BOD1L1: variants seen among roughly 807,000 people sequenced by gnomAD.
The protein encoded by BOD1L1 is biorientation of chromosomes in cell division protein 1-like 1.
A neutral mutation model predicts 240.7 loss-of-function variants in BOD1L1; 86 were observed. The ratio of observed to expected loss-of-function variants is 0.36; its 90% CI spans 0.30 to 0.43. The LOEUF (loss-of-function observed/expected upper bound fraction) is 0.43, where lower values mean the gene tolerates loss of function less well. BOD1L1 is among the 20% of genes least tolerant of loss of function. The probability of loss-of-function intolerance (pLI) is 1.00; values close to 1 mark genes in which losing one functional copy is unlikely to be tolerated. For missense variants in BOD1L1, 3,554 were observed against 3,643.5 expected (o/e 0.98, Z 0.63); for synonymous variants, 1,268 against 1,272.3 (o/e 1.00, Z 0.07).
intron 1 of BOD1L1, chr4:13,624,152 G>A (rs1577388403): frequency 6.6e-6 from 1 of 151,950 alleles, no homozygotes; most frequent in South Asian, 2.1e-4. Flanking sequence ...AGAGTCATGG[G>A]GTAAAGGAAG....
chr4:13,574,847 A>G (rs189957266), intron 25 of BOD1L1, among the ~76,000 whole-genome samples: 1 of 152,252 alleles, frequency 6.6e-6, no homozygotes, highest in East Asian at 1.9e-4. Flanking sequence ...AAATCAAACC[A>G]TGGCACAAAT....
Position 13,613,470 on chromosome 4 carries a change from T to C in BOD1L1, c.1324+42A>G. The C allele has an allele frequency of 6.4e-7, 1 of 1,569,616 alleles. No homozygotes were observed. The highest frequency in any genetic ancestry group is 8.7e-7 in the Non-Finnish European group (1 of 1,147,436). On this transcript the variant is annotated intron_variant, in intron 5 of 25. Coordinates refer to ENST00000040738, the MANE Select transcript of BOD1L1 (RefSeq NM_148894.3). This position sits in a 1 kb window ranked among gnomAD's most constrained non-coding sequence, Gnocchi z 4.0. ...GCCATCAGAATATACAAATAATGCTTGACAGGATGCTTCAGAGGCATTATT... is the reference window on the plus strand; with the variant it reads ...GCCATCAGAATATACAAATAATGCTCGACAGGATGCTTCAGAGGCATTATT...
Position 13,609,425 on chromosome 4 carries a change from CT to C in BOD1L1, c.1492-20del, listed in dbSNP as rs750117414. On this transcript the variant is annotated intron_variant, in intron 6 of 25. Transcript: ENST00000040738. ...CTTTGGCCTAAAACCACAAAATACC[CT>C]AACAGATTATTAGGCAAAGGCAAAA... The C allele has an allele frequency of 6.9e-7, 1 of 1,439,068 alleles. No individual in the cohort carries two copies. Among genetic ancestry groups the C allele is most frequent in the Middle Eastern group, 1.8e-4 (1 of 5,506 alleles). The allele number at this position is 1,439,068 out of a possible 1,614,324, so 89.1% of individuals were successfully genotyped here. A position where few individuals can be genotyped will look rare whatever the true frequency, so the allele number is the denominator to read the frequency against.
chr4:13,572,591 AAC>A (rs1208597223), intron 25 of BOD1L1: 79 of 1,055,572 alleles, frequency 7.5e-5, no homozygotes, highest in Middle Eastern at 2.5e-4. Context: ...GATCCCCAAA[AAC>A]AGTTATTTGG....
rs775580634 is a variant in BOD1L1 at position 13,582,726 on chromosome 4, G to T, written c.8444C>A (p.Ser2815Tyr). 1 of 1,608,834 alleles carries T rather than the reference G, an allele frequency of 6.2e-7. No homozygotes were observed. Residue 2815 changes from serine (S) to tyrosine (Y), a missense_variant, in exon 18 of 26, where the codon TCC (serine) becomes TAC (tyrosine). Coordinates refer to ENST00000040738, the MANE Select transcript of BOD1L1 (RefSeq NM_148894.3). ...TEPHDTKEEN[S>Y]RDLEELPKTS... The stretch of plus-strand genomic sequence containing the variant: ...TTTAGGTAATTCTTCCAAATCTCTG[G>T]AGTTCTCTTCCTATAGAGAAGTTGA...
intron 19 of BOD1L1, 99 bp downstream of exon 19, chr4:13,582,138 A>T: frequency 1.0e-6 from 1 of 973,618 alleles, no homozygotes; most frequent in South Asian, 1.6e-5. Context: ...AGCTTCTTCA[A>T]AGTACTTAAG....
chr4:13,616,718 A>C (rs1293436654), intron 2 of BOD1L1, among the ~76,000 whole-genome samples: 1 of 152,182 alleles, frequency 6.6e-6, no homozygotes, highest in Non-Finnish European at 1.5e-5. Flanking sequence ...AGGATGGATT[A>C]GTTTTTCATT....
chr4:13,569,894 G>A lies in BOD1L1; in HGVS notation c.*117C>T. The A allele has an allele frequency of 1.7e-6, 1 of 595,224 alleles. No homozygotes were observed. Among genetic ancestry groups the A allele is most frequent in the Non-Finnish European group, 2.7e-6 (1 of 375,520 alleles). 36.9% of individuals were successfully genotyped at this position (595,224 alleles called of 1,614,324 possible). ...ATAACAAGAAAAAGCTTGCACCTAG[G>A]GACTTACAGCACATGCATATCTTTT... is the stretch of plus-strand genomic sequence containing the variant. On this transcript the variant is annotated 3_prime_UTR_variant, in exon 26 of 26. Transcript: ENST00000040738.
chr4:13,577,724 T>C, intron 22 of BOD1L1, 93 bp from the exon 23 acceptor site: 10 of 880,358 alleles, frequency 1.1e-5, no homozygotes, highest in Non-Finnish European at 1.8e-5. Flanking sequence ...TGTATCAGTA[T>C]TAATACATTG....
At chr4:13,590,809 A>T (rs183333141) in intron 13 of BOD1L1, among the ~76,000 whole-genome samples, 4 of 152,172 alleles carry the variant, frequency 2.6e-5, no homozygotes, top group Admixed American at 2.6e-4. Flanking sequence ...CTGTAATAAG[A>T]TTTCCTATTT....
intron 13 of BOD1L1, 150 bp from the exon 14 acceptor site, chr4:13,590,596 A>C (rs1388387654): frequency 2.4e-6 from 1 of 419,480 alleles, no homozygotes; most frequent in Non-Finnish European, 4.4e-6. Context: ...TTTCACCCAG[A>C]AGCTCAAAAG....
chr4:13,610,809 C>A, intron 6 of BOD1L1, 125 bp downstream of exon 6: 1 of 708,762 alleles, frequency 1.4e-6, no homozygotes, highest in Non-Finnish European at 2.2e-6. Flanking sequence ...AGTTAAATGA[C>A]AAGTTTCCTG....
intron 3 of BOD1L1, 116 bp downstream of exon 3, chr4:13,615,196 A>G: frequency 9.3e-7 from 1 of 1,073,576 alleles, no homozygotes; most frequent in Non-Finnish European, 1.3e-6. Context: ...TATTTAAAGT[A>G]CAATTTCATT....
rs200374478 is a variant in BOD1L1 at position 13,602,838 on chromosome 4, T to C, written c.4062A>G (p.Thr1354=). The change falls in exon 10 of 26, where the codon ACA becomes ACG. Residue 1354 remains threonine (T), a synonymous_variant. Coordinates refer to ENST00000040738, the MANE Select transcript of BOD1L1 (RefSeq NM_148894.3). ...TGCTAGTGATGCTTGCTTTTGCTGG[T>C]GTATCTACTGTGAAACCTTCACCAC... ...KEGGEGFTVD[T]PAKASITSKR... The C allele has an allele frequency of 6.2e-7, 1 of 1,613,928 alleles. No individual in the cohort carries two copies. The highest frequency in any genetic ancestry group is 1.3e-5 in the African/African-American group (1 of 74,954).
intron 1 of BOD1L1, among the ~76,000 whole-genome samples, chr4:13,626,557 T>A (rs923350149): frequency 2.0e-5 from 3 of 152,216 alleles, no homozygotes; most frequent in African/African-American, 7.2e-5. Context: ...TACTTGTTCC[T>A]GCTAATGTCC....
chr4:13,613,497 T>C lies in BOD1L1; in HGVS notation c.1324+15A>G, dbSNP rs774477627. On this transcript the variant is annotated intron_variant, in intron 5 of 25. Coordinates refer to ENST00000040738, the MANE Select transcript of BOD1L1 (RefSeq NM_148894.3). This position sits in a 1 kb window ranked among gnomAD's most constrained non-coding sequence, Gnocchi z 4.0. ...ACAGGATGCTTCAGAGGCATTATTA[T>C]GTAAAATGCTTTACCATCTGACGTA... The C allele has an allele frequency of 2.5e-6, 4 of 1,606,710 alleles. 1 individual carries two copies. Among genetic ancestry groups the C allele is most frequent in the Non-Finnish European group, 3.4e-6 (4 of 1,175,200 alleles).
At chr4:13,623,822 T>C (rs1717202200) in intron 1 of BOD1L1, 1 of 152,148 alleles carries the variant, frequency 6.6e-6, no homozygotes, top group Non-Finnish European at 1.5e-5. Flanking sequence ...ACTATAACTC[T>C]ATATGCTACA....
intron 5 of BOD1L1, 53 bp from the exon 6 acceptor site, chr4:13,611,153 A>C: frequency 7.5e-7 from 1 of 1,333,782 alleles, no homozygotes; most frequent in Non-Finnish European, 1.0e-6. Flanking sequence ...GCATAAAATC[A>C]ACATTATGCT....
At position 13,595,883 on chromosome 4, in the gene BOD1L1, C is replaced by A. The variant is rs1289772202; in HGVS notation, c.8081G>T (p.Cys2694Phe). 1 of 1,613,790 alleles carries A rather than the reference C, an allele frequency of 6.2e-7. No individual in the cohort carries two copies. The highest frequency in any genetic ancestry group is 8.5e-7 in the Non-Finnish European group (1 of 1,179,850). The change falls in exon 12 of 26, where the codon TGT becomes TTT. Residue 2694 changes from cysteine to phenylalanine, a missense_variant. Physicochemically the swap from Cys to Phe is radical, Grantham distance 205. Transcript: ENST00000040738. The part of the protein sequence containing the change: ...GEILAPPESL[C>F]GGKPSGIAEL... ...ACCTATTCCACTTGGCTTTCCCCCA[C>A]ACAGACTTTCTGGTGGTGCCAGAAT...
Sources: allele counts gnomAD v4.1 joint callset (sites outside exome capture counted in the v4.1 genomes callset), GRCh38; gene constraint gnomAD v4.1.1; non-coding constraint Gnocchi (gnomAD v3.1); transcripts MANE v1.5; gene names NCBI Gene and HGNC (gene_info 2026-07-23, HGNC 2026-07-21).